Variants in TPH2 observed in about 807,000 individuals in gnomAD.
The protein encoded by TPH2 is tryptophan hydroxylase 2.
TPH2 carries 27 observed loss-of-function variants against 59.1 expected under a neutral mutation model. That is an observed-to-expected ratio of 0.46 (90% CI 0.34 to 0.63). The LOEUF is 0.63. Ranked by LOEUF, TPH2 falls within the 30% of genes least tolerant of loss-of-function variation. TPH2 has a pLI of 0.01. For synonymous variants in TPH2, 220 were observed against 210.5 expected, an observed-to-expected ratio of 1.05 and a Z score of -0.39; for missense variants, 523 against 588.3, an observed-to-expected ratio of 0.89 and a Z score of 1.15.
intron 8 of TPH2, among the ~76,000 whole-genome samples, chr12:71,997,329 A>G (rs142160776): frequency 1.4e-3 from 213 of 152,308 alleles, no homozygotes; most frequent in African/African-American, 4.9e-3. Flanking sequence ...CTCACTATGT[A>G]TGGCCATCAT....
intron 5 of TPH2, among the ~76,000 whole-genome samples, chr12:71,951,713 T>C (rs1046037442): frequency 6.6e-6 from 1 of 151,844 alleles, no homozygotes; most frequent in South Asian, 2.1e-4. Context: ...TGTGTGTGTG[T>C]GTGTGTGTGT....
At chr12:71,998,360 A>G (rs1315685017) in intron 8 of TPH2, among the ~76,000 whole-genome samples, 3 of 152,162 alleles carry the variant, frequency 2.0e-5, no homozygotes, top group East Asian at 3.9e-4. Flanking sequence ...GAGAGTATGG[A>G]GGAGGATAAC....
Position 71,994,420 on chromosome 12 carries a change from G to T in TPH2, c.942-19G>T. On this transcript the variant is annotated intron_variant, in intron 7 of 10. Coordinates refer to ENST00000333850, the MANE Select transcript of TPH2 (RefSeq NM_173353.4). ...AAAGCTTCTTATTTAACACGTCTTT[G>T]TGATGTCTTTTTTGTCAGAGACACA... 6.2e-7 allele frequency: 1 copy of T among 1,613,442 alleles called. No individual in the cohort carries two copies. Among genetic ancestry groups the T allele is most frequent in the African/African-American group, 1.3e-5 (1 of 75,016 alleles).
At chr12:71,992,476 C>A (rs930504153) in intron 7 of TPH2, among the ~76,000 whole-genome samples, 2 of 146,318 alleles carry the variant, frequency 1.4e-5, no homozygotes, top group African/African-American at 5.0e-5. Context: ...TGGTGGCATG[C>A]GCCTGTAGTC....
At chr12:72,013,154 G>T (rs1339602510) in intron 8 of TPH2, among the ~76,000 whole-genome samples, 2 of 152,034 alleles carry the variant, frequency 1.3e-5, no homozygotes, top group African/African-American at 4.8e-5. Context: ...TTTCCACAAG[G>T]TTTGCCATAA....
chr12:72,010,105 A>G (rs1203487456), intron 8 of TPH2, among the ~76,000 whole-genome samples: 1 of 152,224 alleles, frequency 6.6e-6, no homozygotes, highest in Non-Finnish European at 1.5e-5. Context: ...GAATGGTTAG[A>G]TAACGTCTCC....
At chr12:71,974,814 G>T (rs371546940) in intron 6 of TPH2, among the ~76,000 whole-genome samples, 2 of 152,030 alleles carry the variant, frequency 1.3e-5, no homozygotes, top group African/African-American at 4.8e-5. Context: ...TTATAACCTT[G>T]ATGCCTATAT....
chr12:72,013,115 G>A (rs763746111), intron 8 of TPH2, among the ~76,000 whole-genome samples: 11 of 151,730 alleles, frequency 7.2e-5, no homozygotes, highest in African/African-American at 2.4e-4. Flanking sequence ...TTTCTTCCAC[G>A]GATGTCCCTC....
rs559906555 is a variant in TPH2, at chr12:72,019,791, G to A, written c.1069-2608G>A. 2.6e-5 allele frequency among the ~76,000 whole-genome samples: 4 copies of A among 152,298 alleles called. No individual in the cohort carries two copies. In the East Asian group the frequency reaches 7.7e-4, roughly 29 times the overall value. On this transcript the variant is annotated intron_variant, in intron 8 of 10. Transcript: ENST00000333850. ...CTGGCATGTAATAGTTGCTCAAGAAGTATTTGTAGAATAGGTGAATGAATG... is the reference window on the plus strand; with the variant it reads ...CTGGCATGTAATAGTTGCTCAAGAAATATTTGTAGAATAGGTGAATGAATG...
intron 9 of TPH2, among the ~76,000 whole-genome samples, chr12:72,026,222 T>G (rs752562561): frequency 1.4e-4 from 21 of 151,958 alleles, no homozygotes; most frequent in Non-Finnish European, 2.6e-4. Flanking sequence ...TTTTTTAGCA[T>G]CCACCCCATA....
intron 5 of TPH2, among the ~76,000 whole-genome samples, chr12:71,951,686 G>GTA (rs933900249): frequency 2.1e-5 from 3 of 143,968 alleles, no homozygotes; most frequent in Non-Finnish European, 4.6e-5. Flanking sequence ...TATGTTTTAT[G>GTA]TATGTGTGTG....
intron 8 of TPH2, among the ~76,000 whole-genome samples, chr12:72,002,434 T>A (rs1389452591): frequency 6.6e-6 from 1 of 152,158 alleles, no homozygotes; most frequent in Non-Finnish European, 1.5e-5. Context: ...AGAAATTGGT[T>A]TTTTATCTGA....
chr12:71,986,718 C>A (rs185203324), intron 7 of TPH2, among the ~76,000 whole-genome samples: 2 of 148,784 alleles, frequency 1.3e-5, no homozygotes, highest in Admixed American at 6.8e-5. Flanking sequence ...TTTCCTTGTG[C>A]GGAGCCCATA....
intron 8 of TPH2, among the ~76,000 whole-genome samples, chr12:72,016,048 G>A (rs1873241465): frequency 6.6e-6 from 1 of 152,168 alleles, no homozygotes; most frequent in Non-Finnish European, 1.5e-5. Context: ...TTTGTAGATG[G>A]GAAACTTGTG....
Position 72,031,515 on chromosome 12 carries a change from C to T in TPH2, c.1299-6C>T. 5 of 1,613,392 alleles carry T rather than the reference C, an allele frequency of 3.1e-6. No individual in the cohort carries two copies. Among genetic ancestry groups the T allele is most frequent in the Non-Finnish European group, 3.4e-6 (4 of 1,179,590 alleles). On this transcript the variant is annotated splice_region_variant and splice_polypyrimidine_tract_variant and intron_variant, in intron 10 of 10. Coordinates refer to ENST00000333850, the MANE Select transcript of TPH2 (RefSeq NM_173353.4). ...ACATCTCTTTCTACTTCTGTTTATT[C>T]TGCAGGGACTTTGCAAAGTCAATTA...
chr12:72,029,702 G>T (rs1292660566), intron 9 of TPH2, among the ~76,000 whole-genome samples: 1 of 152,078 alleles, frequency 6.6e-6, no homozygotes, highest in Non-Finnish European at 1.5e-5. Flanking sequence ...ACGCTGAGAG[G>T]CCCTCTGCAT....
chr12:71,941,518 C>G (rs1181802083), intron 1 of TPH2, 66 bp from the exon 2 acceptor site: 7 of 1,554,066 alleles, frequency 4.5e-6, no homozygotes, highest in Non-Finnish European at 6.1e-6. Flanking sequence ...TGGGAAAAAT[C>G]TAATTACGGA....
intron 5 of TPH2, among the ~76,000 whole-genome samples, chr12:71,955,628 G>A (rs901244169): frequency 6.6e-6 from 1 of 152,184 alleles, no homozygotes; most frequent in Non-Finnish European, 1.5e-5. Flanking sequence ...GATAACTCTA[G>A]TACTACTTTA....
At chr12:71,986,742 A>G (rs1872449186) in intron 7 of TPH2, among the ~76,000 whole-genome samples, 1 of 150,758 alleles carries the variant, frequency 6.6e-6, no homozygotes, top group South Asian at 2.1e-4. Flanking sequence ...CAAAATTAGC[A>G]CTTAGAAGCA....
Sources: gnomAD v4.1 joint callset for allele counts (sites outside exome capture counted in the v4.1 genomes callset) on GRCh38, gnomAD v4.1.1 for gene constraint, MANE v1.5 for transcripts, NCBI Gene and HGNC (gene_info 2026-07-23, HGNC 2026-07-21) for gene names.